The following CADM2 variants were observed in gnomAD, a reference collection of about 807,000 sequenced individuals.
CADM2 encodes the protein cell adhesion molecule 2, also known as immunoglobulin superfamily member 4D.
In CADM2, 12 loss-of-function variants were observed where a neutral mutation model predicts 49.8. The ratio of observed to expected loss-of-function variants is 0.24; its 90% confidence interval spans 0.15 to 0.39. The LOEUF (loss-of-function observed/expected upper bound fraction) is 0.39. Ranked by LOEUF, CADM2 falls within the 10% of genes least tolerant of loss-of-function variation. The pLI is 1.00. For missense variants in CADM2, 378 were observed against 492.3 expected (o/e 0.77, Z 2.20); for synonymous variants, 214 against 175.4 (o/e 1.22, Z -1.74).
At chr3:85,856,874 C>G (rs956285794) in intron 3 of CADM2, among the ~76,000 whole-genome samples, 1 of 152,014 alleles carries the variant, frequency 6.6e-6, no homozygotes, top group African/African-American at 2.4e-5. Context: ...CATTTTGTGT[C>G]GGGGTAGGAT....
In CADM2 at chr3:85,338,838, G is replaced by T. The variant is rs1251665247; in HGVS notation, c.61+379170G>T. Among the ~76,000 whole-genome samples, 3 of 151,426 alleles carry T rather than the reference G, an allele frequency of 2.0e-5. No homozygotes were observed. The Admixed American group carries it at 2.0e-4, about 10-fold the overall frequency. On this transcript the variant is annotated intron_variant, in intron 1 of 9. Transcript: ENST00000383699. ...TCCCAATAAAATTTTAGTTACAGTA[G>T]TATAAAGGCATCTACTTAGATATAG... is the stretch of plus-strand genomic sequence containing the variant.
At chr3:85,394,900 A>G (rs1206746816) in intron 1 of CADM2, among the ~76,000 whole-genome samples, 1 of 152,200 alleles carries the variant, frequency 6.6e-6, no homozygotes, top group East Asian at 1.9e-4. Context: ...AAAGACAAAA[A>G]TATATTCTCC....
intron 1 of CADM2, among the ~76,000 whole-genome samples, chr3:85,280,087 A>G (rs1366938808): frequency 6.6e-6 from 1 of 151,640 alleles, no homozygotes; most frequent in Non-Finnish European, 1.5e-5. Flanking sequence ...TTGGTATCAT[A>G]TCATTGCCAA....
At chr3:85,278,803 C>G (rs2043423798) in intron 1 of CADM2, among the ~76,000 whole-genome samples, 1 of 149,276 alleles carries the variant, frequency 6.7e-6, no homozygotes, top group African/African-American at 2.5e-5. Context: ...AACATAATTG[C>G]AAAATGCTCT....
At chr3:85,991,009 A>G (rs1196675828) in intron 8 of CADM2, among the ~76,000 whole-genome samples, 4 of 152,324 alleles carry the variant, frequency 2.6e-5, no homozygotes, top group African/African-American at 9.6e-5. Context: ...TTAACAGGAG[A>G]AAAGGAACAA....
chr3:85,084,049 T>G (rs1319663149), intron 1 of CADM2, among the ~76,000 whole-genome samples: 1 of 152,188 alleles, frequency 6.6e-6, no homozygotes, highest in Non-Finnish European at 1.5e-5. Context: ...TCTTGCGTTG[T>G]CAGTTCTCAG....
chr3:85,505,946 G>C (rs761318996), intron 1 of CADM2, among the ~76,000 whole-genome samples: 11 of 151,946 alleles, frequency 7.2e-5, no homozygotes, highest in Non-Finnish European at 1.5e-4. Context: ...TTTGCTATAG[G>C]TCAAGTTTTC....
At chr3:85,853,360 A>G (rs1000904215) in intron 3 of CADM2, among the ~76,000 whole-genome samples, 5 of 152,066 alleles carry the variant, frequency 3.3e-5, no homozygotes, top group Non-Finnish European at 5.9e-5. Context: ...CTAAGAAATA[A>G]TAATAGTGAA....
intron 2 of CADM2, among the ~76,000 whole-genome samples, chr3:85,793,803 T>C (rs1224019351): frequency 6.6e-6 from 1 of 152,208 alleles, no homozygotes; most frequent in Non-Finnish European, 1.5e-5. Context: ...TCACAGTTGT[T>C]TAGTCAGAAT....
chr3:85,585,926 T>G (rs2062931465), intron 1 of CADM2, among the ~76,000 whole-genome samples: 1 of 151,956 alleles, frequency 6.6e-6, no homozygotes, highest in South Asian at 2.1e-4. Flanking sequence ...CTTAGTAAAC[T>G]TTAACCATGT....
intron 1 of CADM2, among the ~76,000 whole-genome samples, chr3:85,547,765 C>T (rs754652830): frequency 4.6e-5 from 7 of 152,082 alleles, no homozygotes; most frequent in African/African-American, 7.2e-5. Flanking sequence ...GGAAAGGGAT[C>T]GCTGGTGCTC....
chr3:85,647,615 A>T (rs1362205968), intron 1 of CADM2, among the ~76,000 whole-genome samples: 2 of 151,822 alleles, frequency 1.3e-5, no homozygotes, highest in African/African-American at 4.8e-5. Context: ...ATGCTTTTTT[A>T]AAATTGACTT....
chr3:85,014,612 G>A (rs920587020), intron 1 of CADM2, among the ~76,000 whole-genome samples: 53 of 152,120 alleles, frequency 3.5e-4, no homozygotes, highest in African/African-American at 1.3e-3. Flanking sequence ...CAGTTTTTGA[G>A]GATTAGGGAT....
At chr3:85,842,361 T>G (rs1413240015) in intron 3 of CADM2, among the ~76,000 whole-genome samples, 1 of 152,142 alleles carries the variant, frequency 6.6e-6, no homozygotes, top group Non-Finnish European at 1.5e-5. Flanking sequence ...TCTGCTTGAA[T>G]GCAAGTTATA....
chr3:85,087,307 A>G (rs991802625), intron 1 of CADM2, among the ~76,000 whole-genome samples: 11 of 152,146 alleles, frequency 7.2e-5, no homozygotes, highest in Non-Finnish European at 1.5e-4. Context: ...CAATTGTCTG[A>G]TTAATTTTAG....
intron 8 of CADM2, among the ~76,000 whole-genome samples, chr3:85,967,263 T>C (rs1018109321): frequency 5.9e-5 from 9 of 151,750 alleles, no homozygotes; most frequent in South Asian, 2.1e-4. Flanking sequence ...TTCAGTTAAC[T>C]TGCTTACTAT....
At chr3:85,040,145 G>T (rs949007714) in intron 1 of CADM2, among the ~76,000 whole-genome samples, 3 of 152,186 alleles carry the variant, frequency 2.0e-5, no homozygotes, top group Non-Finnish European at 4.4e-5. Context: ...TGAAAAATAT[G>T]AAGGATAGAT....
rs1052754070 is a variant in CADM2 at position 84,959,132 on chromosome 3, C to G, written c.-476C>G. Reference sequence around the variant, plus strand: ...CTGCTTCTACCTCCCCTCCCAGGACCCCGAGACACCCCGGGCGCGAGCGGC... The same window carrying G: ...CTGCTTCTACCTCCCCTCCCAGGACGCCGAGACACCCCGGGCGCGAGCGGC... On this transcript the variant is annotated 5_prime_UTR_variant, in exon 1 of 10. Coordinates refer to ENST00000383699, the MANE Select transcript of CADM2 (RefSeq NM_001167675.2). The G allele has an allele frequency of 5.2e-6, 1 of 191,430 alleles. No homozygotes were observed. The highest frequency in any genetic ancestry group is 1.1e-5 in the Non-Finnish European group (1 of 92,418). 11.9% of individuals were successfully genotyped at this position (191,430 alleles called of 1,614,324 possible). A position where few individuals can be genotyped will look rare whatever the true frequency, so the allele number is the denominator to read the frequency against.
At chr3:85,529,999 G>A (rs2061261989) in intron 1 of CADM2, among the ~76,000 whole-genome samples, 1 of 152,022 alleles carries the variant, frequency 6.6e-6, no homozygotes, top group African/African-American at 2.4e-5. Context: ...GATATGGTTA[G>A]GCTTTGTGTC....
Sources: allele counts gnomAD v4.1 joint callset (sites outside exome capture counted in the v4.1 genomes callset), GRCh38; gene constraint gnomAD v4.1.1; transcripts MANE v1.5; gene names NCBI Gene and HGNC (gene_info 2026-07-23, HGNC 2026-07-21).